The following ADGRL4 variants were observed in gnomAD, a reference collection of about 807,000 sequenced individuals.
The protein encoded by ADGRL4 is adhesion G protein-coupled receptor L4.
ADGRL4 carries 90 observed loss-of-function variants against 74.8 expected under a neutral mutation model. The observed-to-expected ratio is 1.20, with a 90% CI of 1.02 to 1.43. The LOEUF is 1.43. Among genes scored for constraint, ADGRL4 ranks in the 40% most tolerant of loss-of-function variants. ADGRL4 has a pLI of 0.00. For synonymous variants in ADGRL4, 311 were observed against 279.2 expected, an observed-to-expected ratio of 1.11 and a Z score of -1.14; for missense variants, 881 against 814.3, an observed-to-expected ratio of 1.08 and a Z score of -1.00.
At chr1:78,899,389 C>G (rs1325417095) in intron 12 of ADGRL4, among the ~76,000 whole-genome samples, 2 of 152,144 alleles carry the variant, frequency 1.3e-5, no homozygotes, top group Non-Finnish European at 2.9e-5. Flanking sequence ...GGTTCTTGCT[C>G]TGTTGCCCAG....
intron 2 of ADGRL4, among the ~76,000 whole-genome samples, chr1:78,957,186 C>T (rs1035787078): frequency 1.3e-5 from 2 of 152,138 alleles, no homozygotes; most frequent in Non-Finnish European, 2.9e-5. Context: ...GCTCAGCCCT[C>T]CCTATTTCCT....
intron 2 of ADGRL4, among the ~76,000 whole-genome samples, chr1:78,990,433 T>G (rs1298019962): frequency 6.6e-6 from 1 of 151,932 alleles, no homozygotes; most frequent in Non-Finnish European, 1.5e-5. Context: ...AAGACTTAGG[T>G]TTGGCTTTCT....
chr1:78,891,733 A>G (rs1253856978), intron 13 of ADGRL4, 41 bp from the exon 14 acceptor site: 1 of 1,531,430 alleles, frequency 6.5e-7, no homozygotes, highest in South Asian at 1.2e-5. Context: ...AAAGCTACGT[A>G]TAGTCAACAT....
chr1:78,964,361 T>C (rs902576867), intron 2 of ADGRL4, among the ~76,000 whole-genome samples: 66 of 152,170 alleles, frequency 4.3e-4, no homozygotes, highest in African/African-American at 1.5e-3. Flanking sequence ...CTTAGAGTTA[T>C]CTCATTTTTA....
intron 12 of ADGRL4, 115 bp downstream of exon 12, chr1:78,917,519 T>C (rs1648901364): frequency 1.7e-6 from 1 of 578,974 alleles, no homozygotes; most frequent in Non-Finnish European, 3.0e-6. Context: ...ATAAGTGATA[T>C]ACTGTAAAAT....
At chr1:78,976,204 G>A (rs1203790934) in intron 2 of ADGRL4, among the ~76,000 whole-genome samples, 1 of 151,846 alleles carries the variant, frequency 6.6e-6, no homozygotes, top group East Asian at 1.9e-4. Flanking sequence ...AACTGCAGAG[G>A]TCCCCTTGTA....
chr1:78,986,790 C>T (rs1486209794), intron 2 of ADGRL4, among the ~76,000 whole-genome samples: 3 of 151,606 alleles, frequency 2.0e-5, no homozygotes, highest in African/African-American at 7.3e-5. Flanking sequence ...CTAAGAGTAG[C>T]TGGGGTCCTA....
intron 2 of ADGRL4, among the ~76,000 whole-genome samples, chr1:78,993,687 G>A (rs751399560): frequency 1.1e-4 from 17 of 151,774 alleles, no homozygotes; most frequent in Non-Finnish European, 2.1e-4. Context: ...TTCTGTCTCA[G>A]CCTCCCAAGT....
rs140752624 is a variant in ADGRL4, at chr1:78,908,409, T to C, written c.1749+9225A>G. 3.1e-3 allele frequency among the ~76,000 whole-genome samples: 474 copies of C among 152,128 alleles called. 5 individuals carry two copies. Among genetic ancestry groups the C allele is most frequent in the African/African-American group, 0.011 (450 of 41,534 alleles). ...TAATCAGCCCTTTTCAAACAATTGG[T>C]CTAAAGCTTTAAAAAGTTATAAATA... On this transcript the variant is annotated intron_variant, in intron 12 of 14. Coordinates refer to ENST00000370742, the MANE Select transcript of ADGRL4 (RefSeq NM_022159.4).
In ADGRL4 at chr1:78,997,902, C is replaced by T. The variant is rs80084937; in HGVS notation, c.172+7168G>A. Among the ~76,000 whole-genome samples, 1,419 of 152,240 alleles carry T rather than the reference C, an allele frequency of 9.3e-3. 27 individuals are homozygous for T. The highest frequency in any genetic ancestry group is 0.031 in the African/African-American group (1,283 of 41,534). ...TTTGAGACATTATTCTAGGTAACAT[C>T]AGTAAGGAGAAGACAGAAAGGTGGC... On this transcript the variant is annotated intron_variant, in intron 2 of 14. Coordinates refer to ENST00000370742, the MANE Select transcript of ADGRL4 (RefSeq NM_022159.4).
chr1:78,966,502 T>G (rs79586675), intron 2 of ADGRL4, among the ~76,000 whole-genome samples: 6 of 152,188 alleles, frequency 3.9e-5, no homozygotes, highest in Non-Finnish European at 5.9e-5. Flanking sequence ...CTCTCACTGT[T>G]GCTTCTGAGC....
At chr1:79,003,711 A>T (rs1033581357) in intron 2 of ADGRL4, among the ~76,000 whole-genome samples, 3 of 152,050 alleles carry the variant, frequency 2.0e-5, no homozygotes, top group African/African-American at 7.2e-5. Flanking sequence ...ATTGAAAAGT[A>T]TCTAAATAAC....
At chr1:78,954,656 C>T (rs1398338939) in intron 2 of ADGRL4, among the ~76,000 whole-genome samples, 2 of 151,938 alleles carry the variant, frequency 1.3e-5, no homozygotes, top group Non-Finnish European at 2.9e-5. Context: ...GGATGGCACA[C>T]AATATTAAAG....
intron 2 of ADGRL4, among the ~76,000 whole-genome samples, chr1:78,964,222 C>A (rs1455087349): frequency 3.9e-5 from 6 of 152,150 alleles, no homozygotes; most frequent in African/African-American, 1.4e-4. Flanking sequence ...AATGAATGTT[C>A]AAGATCAGAG....
chr1:79,005,210 G>A lies in ADGRL4; in HGVS notation c.32C>T (p.Ser11Phe), dbSNP rs746887961. 89 of 1,599,516 alleles carry A rather than the reference G, an allele frequency of 5.6e-5. No individual in the cohort carries two copies. The East Asian group carries it at 9.9e-4, about 18-fold the overall frequency. The change falls in exon 2 of 15, where the codon TCC (serine) becomes TTC (phenylalanine). Residue 11 changes from serine to phenylalanine, a missense_variant. By Grantham distance (155) the Ser-to-Phe change is radical. Transcript: ENST00000370742. MKRLPLLVVF[S>F]TLLNCSYTQN... ...AGTATAGGAACAATTCAACAAAGTG[G>A]AAAAAACCACTAAATAAAATAGAGA...
chr1:78,972,286 A>G (rs989841523), intron 2 of ADGRL4, among the ~76,000 whole-genome samples: 46 of 152,322 alleles, frequency 3.0e-4, no homozygotes, highest in Middle Eastern at 3.4e-3. Flanking sequence ...TTATGTCAGT[A>G]TGAATGCTTA....
rs775667826 is a variant in ADGRL4 at position 78,918,036 on chromosome 1, G to A, written c.1476C>T (p.Ile492=). Residue 492 remains isoleucine (I), a synonymous_variant, in exon 11 of 15, where the codon ATC becomes ATT. Transcript: ENST00000370742. ...NTNTNKLFCS[I]IAGLLHYFFL... is the part of the protein sequence containing the mutation. ...AGAAGTAGTGTAGCAGTCCGGCAATGATTGAACAGAAGAGCTAGAAATCAA... is the reference window on the plus strand; with the variant it reads ...AGAAGTAGTGTAGCAGTCCGGCAATAATTGAACAGAAGAGCTAGAAATCAA... The A allele has an allele frequency of 3.1e-6, 5 of 1,600,642 alleles. No individual in the cohort carries two copies. The African/African-American group carries it at 5.4e-5, about 17-fold the overall frequency.
intron 8 of ADGRL4, among the ~76,000 whole-genome samples, chr1:78,926,115 T>C (rs906440551): frequency 1.3e-5 from 2 of 152,096 alleles, no homozygotes; most frequent in East Asian, 3.9e-4. Flanking sequence ...AAATATACTC[T>C]TTTTGTTTAG....
chr1:78,974,965 T>G (rs1341420383), intron 2 of ADGRL4, among the ~76,000 whole-genome samples: 1 of 152,198 alleles, frequency 6.6e-6, no homozygotes. Flanking sequence ...AATTAAGGAA[T>G]GGGCATCTTT....
Sources: gnomAD v4.1 joint callset for allele counts (sites outside exome capture counted in the v4.1 genomes callset) on GRCh38, gnomAD v4.1.1 for gene constraint, MANE v1.5 for transcripts, NCBI Gene and HGNC (gene_info 2026-07-23, HGNC 2026-07-21) for gene names.